Variants in PCDHGB2 observed in about 807,000 individuals in gnomAD.
PCDHGB2 encodes protocadherin gamma subfamily B, 2.
PCDHGB2 carries 55 observed loss-of-function variants against 59.3 expected under a neutral mutation model. The ratio of observed to expected loss-of-function variants is 0.93; its 90% CI spans 0.75 to 1.16. PCDHGB2 has a LOEUF of 1.16. Among genes scored for constraint, PCDHGB2 ranks in the 50% most tolerant of loss-of-function variants. PCDHGB2 has a pLI of 0.00. For synonymous variants in PCDHGB2, 516 were observed against 512.0 expected (o/e 1.01, Z -0.11); for missense variants, 1,228 against 1,198.5 (o/e 1.02, Z -0.36).
At chr5:141,500,223 T>TATTG (rs1554186512) in intron 2 of PCDHGB2, among the ~76,000 whole-genome samples, 5 of 145,410 alleles carry the variant, frequency 3.4e-5, no homozygotes, top group African/African-American at 5.2e-5. Context: ...TTTATTTATT[T>TATTG]ATTGATACGT....
intron 1 of PCDHGB2, chr5:141,408,114 C>T (rs1191565539): frequency 5.5e-6 from 8 of 1,460,968 alleles, no homozygotes; most frequent in South Asian, 1.4e-5. Context: ...CGGGACTCCT[C>T]CTGTCCTGGG....
chr5:141,476,357 C>G lies in PCDHGB2; in HGVS notation c.2422-18450C>G. On this transcript the variant is annotated intron_variant, in intron 1 of 3. Transcript: ENST00000522605. The surrounding 1 kb of genome is among the most constrained non-coding windows in gnomAD (Gnocchi z 7.6). ...TAGCCGAAGATTCTTTGAGGTGAAC[C>G]GGGAGACCGGAGAGATGTTTGTGAA... The G allele has an allele frequency of 6.2e-7, 1 of 1,614,052 alleles. No individual in the cohort carries two copies. Among genetic ancestry groups the G allele is most frequent in the South Asian group, 1.1e-5 (1 of 91,078 alleles).
chr5:141,403,984 A>C, intron 1 of PCDHGB2: 1 of 1,613,892 alleles, frequency 6.2e-7, no homozygotes, highest in South Asian at 1.1e-5. Flanking sequence ...ATGACAATAG[A>C]CCTGAAGTGA....
rs2099883943 is a variant in PCDHGB2, at chr5:141,511,766, G to A, written c.*593G>A. ...TGGAGGACATGATCACCATCCCCAT[G>A]GTACTGATGCTTGCTGGATTTAGGG... On this transcript the variant is annotated 3_prime_UTR_variant, in exon 4 of 4. Coordinates refer to ENST00000522605, the MANE Select transcript of PCDHGB2 (RefSeq NM_018923.3). 2 of 161,712 alleles carry A rather than the reference G, an allele frequency of 1.2e-5. No homozygotes were observed. Among genetic ancestry groups the A allele is most frequent in the Non-Finnish European group, 2.8e-5 (2 of 72,704 alleles). The allele number at this position is 161,712 out of a possible 1,614,324, so 10.0% of individuals were successfully genotyped here.
At chr5:141,428,114 C>CG in intron 1 of PCDHGB2, 2 of 1,607,202 alleles carry the variant, frequency 1.2e-6, no homozygotes, top group Non-Finnish European at 1.7e-6. Flanking sequence ...TGCAGGCCAT[C>CG]GAGCCCGGGC....
chr5:141,421,040 C>T (rs2096541229), intron 1 of PCDHGB2: 1 of 545,472 alleles, frequency 1.8e-6, no homozygotes, highest in East Asian at 3.1e-5. Context: ...GTCCCTCCCT[C>T]CCCCGCCTCT....
At chr5:141,468,822 A>C (rs867400152) in intron 1 of PCDHGB2, among the ~76,000 whole-genome samples, 4 of 151,874 alleles carry the variant, frequency 2.6e-5, no homozygotes, top group Middle Eastern at 3.4e-3. Context: ...GCCAAGATCA[A>C]GCCACTGCAC....
intron 1 of PCDHGB2, among the ~76,000 whole-genome samples, chr5:141,402,311 A>G (rs1174114133): frequency 1.3e-5 from 2 of 152,022 alleles, no homozygotes; most frequent in Non-Finnish European, 2.9e-5. Flanking sequence ...ATACAATTAT[A>G]TATTTTACAT....
chr5:141,393,443 G>T, intron 1 of PCDHGB2: 1 of 1,614,048 alleles, frequency 6.2e-7, no homozygotes, highest in Non-Finnish European at 8.5e-7. Context: ...CTCACCACCT[G>T]GTCCTCACGG....
In PCDHGB2 at chr5:141,360,105, C is replaced by A; in HGVS notation, c.-31C>A. Reference sequence around the variant, plus strand: ...GCCATCCCCGGAAGGCTTATTCCTCCTATGGGCAAAGGAGCAAAGGGAGCC... The same window carrying A: ...GCCATCCCCGGAAGGCTTATTCCTCATATGGGCAAAGGAGCAAAGGGAGCC... On this transcript the variant is annotated 5_prime_UTR_variant, in exon 1 of 4. Coordinates refer to ENST00000522605, the MANE Select transcript of PCDHGB2 (RefSeq NM_018923.3). 6.4e-7 allele frequency: 1 copy of A among 1,550,518 alleles called. No individual in the cohort carries two copies.
At chr5:141,497,878 C>T (rs553853040) in intron 2 of PCDHGB2, among the ~76,000 whole-genome samples, 32 of 152,256 alleles carry the variant, frequency 2.1e-4, no homozygotes, top group Non-Finnish European at 3.5e-4. Flanking sequence ...GTGAAATAAG[C>T]GTTAGGATCT....
At chr5:141,481,220 C>T (rs896803040) in intron 1 of PCDHGB2, among the ~76,000 whole-genome samples, 1 of 152,130 alleles carries the variant, frequency 6.6e-6, no homozygotes, top group African/African-American at 2.4e-5. Context: ...GGTAAGGTCT[C>T]CCAGCCTTAA....
At chr5:141,447,976 C>T (rs774074042) in intron 1 of PCDHGB2, among the ~76,000 whole-genome samples, 18 of 151,938 alleles carry the variant, frequency 1.2e-4, no homozygotes, top group Non-Finnish European at 2.5e-4. Flanking sequence ...ATCCCAGCTA[C>T]TCGGGAGGCT....
intron 1 of PCDHGB2, chr5:141,427,753 T>A (rs745532152): frequency 4.5e-6 from 6 of 1,322,510 alleles, no homozygotes; most frequent in Non-Finnish European, 6.4e-6. Flanking sequence ...TACTCCATCG[T>A]TACCACTGAC....
chr5:141,374,887 C>G lies in PCDHGB2; in HGVS notation c.2421+12331C>G, dbSNP rs1248527882. On this transcript the variant is annotated intron_variant, in intron 1 of 3. Coordinates refer to ENST00000522605, the MANE Select transcript of PCDHGB2 (RefSeq NM_018923.3). Reference sequence around the variant, plus strand: ...CAGTGTTGGCAGTGACTGCCACCGACCAGGATGAAGGAGTCCACGGGGAAG... The same window carrying G: ...CAGTGTTGGCAGTGACTGCCACCGAGCAGGATGAAGGAGTCCACGGGGAAG... The G allele has an allele frequency of 1.9e-6, 3 of 1,613,670 alleles. No individual in the cohort carries two copies. In the African/African-American group the frequency reaches 4.0e-5, roughly 22 times the overall value.
chr5:141,435,792 A>G (rs2097780110), intron 1 of PCDHGB2, among the ~76,000 whole-genome samples: 1 of 152,074 alleles, frequency 6.6e-6, no homozygotes, highest in South Asian at 2.1e-4. Context: ...AGGGAAACAT[A>G]ACGTCCCAAT....
intron 1 of PCDHGB2, among the ~76,000 whole-genome samples, chr5:141,456,166 G>A (rs531975607): frequency 6.6e-6 from 1 of 152,148 alleles, no homozygotes; most frequent in African/African-American, 2.4e-5. Flanking sequence ...TAAAGTGCTG[G>A]GATTACAGAA....
At chr5:141,408,590 G>A (rs776799830) in intron 1 of PCDHGB2, 4 of 1,613,956 alleles carry the variant, frequency 2.5e-6, no homozygotes, top group East Asian at 2.2e-5. Context: ...TAATGACCAC[G>A]CCCCTCAATT....
chr5:141,454,874 C>A (rs1002727777), intron 1 of PCDHGB2, among the ~76,000 whole-genome samples: 4 of 123,066 alleles, frequency 3.3e-5, no homozygotes, highest in African/African-American at 1.2e-4. Flanking sequence ...GTGGCACGAT[C>A]TTGGCTCACT....
Sources: allele counts gnomAD v4.1 joint callset (sites outside exome capture counted in the v4.1 genomes callset), GRCh38; gene constraint gnomAD v4.1.1; non-coding constraint Gnocchi (gnomAD v3.1); transcripts MANE v1.5; gene names NCBI Gene and HGNC (gene_info 2026-07-23, HGNC 2026-07-21).